Variants in KDM2A observed in about 807,000 individuals in gnomAD.
KDM2A encodes lysine demethylase 2A.
A neutral mutation model predicts 137.3 loss-of-function variants in KDM2A; 3 were observed. The ratio of observed to expected loss-of-function variants is 0.02; its 90% CI spans 0.01 to 0.06. KDM2A has a LOEUF of 0.06. KDM2A is among the 10% of genes least tolerant of loss of function. The pLI is 1.00. For missense variants in KDM2A, 738 were observed against 1,510.6 expected (o/e 0.49, Z 8.48); for synonymous variants, 512 against 541.5 (o/e 0.95, Z 0.76).
At chr11:67,236,739 ATAC>A (rs1858882782) in intron 12 of KDM2A, among the ~76,000 whole-genome samples, 1 of 152,224 alleles carries the variant, frequency 6.6e-6, no homozygotes, top group African/African-American at 2.4e-5. Context: ...GATTAGTAAA[ATAC>A]TTAATAAGCA....
intron 12 of KDM2A, among the ~76,000 whole-genome samples, chr11:67,235,780 C>G (rs1858854374): frequency 6.6e-6 from 1 of 151,714 alleles, no homozygotes; most frequent in Admixed American, 6.6e-5. Context: ...ACCACCACTC[C>G]AGCTAATTTT....
chr11:67,131,023 G>GTACT (rs1284016002), intron 2 of KDM2A, among the ~76,000 whole-genome samples: 5 of 152,030 alleles, frequency 3.3e-5, no homozygotes, highest in Non-Finnish European at 4.4e-5. Flanking sequence ...CGTCTCTTGT[G>GTACT]TACTTTATAC....
At chr11:67,133,477 A>G (rs886769405) in intron 2 of KDM2A, among the ~76,000 whole-genome samples, 17 of 152,018 alleles carry the variant, frequency 1.1e-4, no homozygotes, top group African/African-American at 4.1e-4. Flanking sequence ...ATCTCTGCTC[A>G]CTGTAACCTC....
intron 6 of KDM2A, among the ~76,000 whole-genome samples, chr11:67,213,249 G>A (rs1858048461): frequency 6.6e-6 from 1 of 152,154 alleles, no homozygotes; most frequent in Admixed American, 6.6e-5. Context: ...CGTAGATGTT[G>A]TTACAAAGCT....
chr11:67,214,207 ATTT>A (rs58629654), intron 6 of KDM2A, among the ~76,000 whole-genome samples: 1 of 103,334 alleles, frequency 9.7e-6, no homozygotes, highest in African/African-American at 4.1e-5. Flanking sequence ...TGCGCAGCTA[ATTT>A]TTTTTTTTTT....
intron 2 of KDM2A, among the ~76,000 whole-genome samples, chr11:67,164,075 A>G (rs1355432639): frequency 1.3e-5 from 2 of 152,096 alleles, no homozygotes; most frequent in African/African-American, 4.8e-5. Flanking sequence ...ATAAGGCCAC[A>G]TTTGCAAAGT....
In KDM2A at chr11:67,255,156, C is replaced by T. The variant is rs763184207; in HGVS notation, c.*101C>T. The T allele has an allele frequency of 6.9e-6, 7 of 1,013,288 alleles. No individual in the cohort carries two copies. Among genetic ancestry groups the T allele is most frequent in the East Asian group, 2.6e-5 (1 of 38,258 alleles). The allele number at this position is 1,013,288 out of a possible 1,614,324, so 62.8% of individuals were successfully genotyped here. On this transcript the variant is annotated 3_prime_UTR_variant, in exon 21 of 21. Transcript: ENST00000529006. ...TGCACGGGCTCTGAGGCCAGCGTCA[C>T]ACTCCCTCTCTGCTCTCCTGTCCCT...
chr11:67,133,302 A>G (rs1855893248), intron 2 of KDM2A, among the ~76,000 whole-genome samples: 1 of 151,758 alleles, frequency 6.6e-6, no homozygotes, highest in Admixed American at 6.6e-5. Context: ...GTGTTTTACC[A>G]TGTTGGTCAG....
At chr11:67,243,223 C>G (rs1293880516) in intron 13 of KDM2A, 131 bp downstream of exon 13, 1 of 645,154 alleles carries the variant, frequency 1.6e-6, no homozygotes, top group African/African-American at 1.8e-5. Flanking sequence ...GACAGAAAAT[C>G]ATTATTCAGT....
intron 5 of KDM2A, among the ~76,000 whole-genome samples, chr11:67,203,813 T>C (rs982610168): frequency 1.3e-5 from 2 of 151,872 alleles, no homozygotes; most frequent in South Asian, 4.2e-4. Context: ...TTCTTTTTTC[T>C]TTTTAAGACA....
intron 18 of KDM2A, 59 bp from the exon 19 acceptor site, chr11:67,253,394 C>A: frequency 6.8e-7 from 1 of 1,470,270 alleles, no homozygotes; most frequent in Non-Finnish European, 9.5e-7. Flanking sequence ...CAGATCGTTA[C>A]GGCTCTGAGT....
chr11:67,145,849 G>A (rs1476680615), intron 2 of KDM2A, among the ~76,000 whole-genome samples: 3 of 149,648 alleles, frequency 2.0e-5, no homozygotes, highest in African/African-American at 7.4e-5. Context: ...TCAGGTTTCA[G>A]GTTTCAGCTT....
rs151265238 is a variant in KDM2A, at chr11:67,212,414, T to C, written c.487-2926T>C. Among the ~76,000 whole-genome samples the C allele has an allele frequency of 7.9e-5, 12 of 152,296 alleles. No homozygotes were observed. The East Asian group carries it at 2.3e-3, about 29-fold the overall frequency. ...ATGGTGAGAAGAGATTATTTAGTGC[T>C]GCCATTCCAGCAATAACTGAGAGGT... On this transcript the variant is annotated intron_variant, in intron 6 of 20. Coordinates refer to ENST00000529006, the MANE Select transcript of KDM2A (RefSeq NM_012308.3).
chr11:67,149,079 T>A (rs996833617), intron 2 of KDM2A: 4 of 152,100 alleles, frequency 2.6e-5, no homozygotes, highest in African/African-American at 9.7e-5. Context: ...AAAAGCAGAT[T>A]TTTTTCCCCT....
At chr11:67,167,970 A>G (rs1856783724) in intron 2 of KDM2A, among the ~76,000 whole-genome samples, 1 of 152,206 alleles carries the variant, frequency 6.6e-6, no homozygotes, top group African/African-American at 2.4e-5. Context: ...AGTTTTATAT[A>G]GATCAAAAGA....
At chr11:67,194,595 T>G (rs1035393632) in intron 5 of KDM2A, among the ~76,000 whole-genome samples, 3 of 152,216 alleles carry the variant, frequency 2.0e-5, no homozygotes, top group Non-Finnish European at 4.4e-5. Flanking sequence ...ACTTTGTGCA[T>G]TACATAGGCA....
chr11:67,170,034 G>C lies in KDM2A; in HGVS notation c.43-10045G>C, dbSNP rs1009949208. ...GCCTCCCAGAGCGCTGTGATTACTG[G>C]CGTGAGTCACCATGCCTGGCCCACA... On this transcript the variant is annotated intron_variant, in intron 2 of 20. Coordinates refer to ENST00000529006, the MANE Select transcript of KDM2A (RefSeq NM_012308.3). Among the ~76,000 whole-genome samples, 5 of 152,044 alleles carry C rather than the reference G, an allele frequency of 3.3e-5. 1 individual carries two copies. The highest frequency in any genetic ancestry group is 2.0e-4 in the Admixed American group (3 of 15,262).
At position 67,256,944 on chromosome 11, in the gene KDM2A, C is replaced by T. The variant is rs1223876070; in HGVS notation, c.*1889C>T. 2 of 152,640 alleles carry T rather than the reference C, an allele frequency of 1.3e-5. No homozygotes were observed. Among genetic ancestry groups the T allele is most frequent in the Admixed American group, 6.5e-5 (1 of 15,280 alleles). The allele number at this position is 152,640 out of a possible 1,614,324, so 9.5% of individuals were successfully genotyped here. ...TGAAACTTTGAGGAAATGCCAGTGA[C>T]TTATTCCAGAGTGCCTCAGTTAGGG... On this transcript the variant is annotated 3_prime_UTR_variant, in exon 21 of 21. Transcript: ENST00000529006.
At chr11:67,175,847 T>C (rs760252629) in intron 2 of KDM2A, among the ~76,000 whole-genome samples, 6 of 152,204 alleles carry the variant, frequency 3.9e-5, no homozygotes, top group Non-Finnish European at 7.3e-5. Context: ...ACTATACTTA[T>C]TCTAGTAGCA....
Sources: allele counts gnomAD v4.1 joint callset (sites outside exome capture counted in the v4.1 genomes callset), GRCh38; gene constraint gnomAD v4.1.1; transcripts MANE v1.5; gene names NCBI Gene and HGNC (gene_info 2026-07-23, HGNC 2026-07-21).